Variants in ATP2B2 observed in about 807,000 individuals in gnomAD.
ATP2B2 encodes ATPase plasma membrane Ca2+ transporting 2.
Under a neutral mutation model 120.0 loss-of-function variants are expected in ATP2B2, and 15 were observed. The observed-to-expected ratio is 0.12, with a 90% CI of 0.08 to 0.19. The LOEUF (loss-of-function observed/expected upper bound fraction) is 0.19, where lower values mean the gene tolerates loss of function less well. Among genes scored for constraint, ATP2B2 ranks in the 10% least tolerant of loss-of-function variants. The pLI is 1.00. For synonymous variants in ATP2B2, 694 were observed against 700.3 expected, an observed-to-expected ratio of 0.99 and a Z score of 0.14; for missense variants, 1,045 against 1,719.8, an observed-to-expected ratio of 0.61 and a Z score of 6.94.
rs555532714 is a variant in ATP2B2 at position 10,413,242 on chromosome 3, T to C, written c.200-2427A>G. ...TTCCGGGAGTCCAGCAGCCTGTGGT[T>C]TGGGAGTCTGTCTTGGGTTCTAGAT... On this transcript the variant is annotated intron_variant, in intron 2 of 22. Coordinates refer to ENST00000360273, the MANE Select transcript of ATP2B2 (RefSeq NM_001001331.4). 2.6e-5 allele frequency among the ~76,000 whole-genome samples: 4 copies of C among 152,244 alleles called. No homozygotes were observed. In the South Asian group the frequency reaches 8.3e-4, roughly 32 times the overall value.
chr3:10,695,018 G>A (rs1214325179), intron 1 of ATP2B2, among the ~76,000 whole-genome samples: 3 of 152,012 alleles, frequency 2.0e-5, no homozygotes, highest in Non-Finnish European at 2.9e-5. Context: ...TTTGAATTTT[G>A]GGTGACCCTG....
At chr3:10,395,607 C>G in intron 5 of ATP2B2, among the ~76,000 whole-genome samples, 1 of 152,214 alleles carries the variant, frequency 6.6e-6, no homozygotes, top group South Asian at 2.1e-4. Context: ...GCCATCCTTG[C>G]AACTTTTCTG....
intron 1 of ATP2B2, among the ~76,000 whole-genome samples, chr3:10,450,490 C>T (rs2063999691): frequency 6.6e-6 from 1 of 152,216 alleles, no homozygotes; most frequent in African/African-American, 2.4e-5. Context: ...CATCCCTCCC[C>T]ACTCAGGTCT....
intron 1 of ATP2B2, among the ~76,000 whole-genome samples, chr3:10,500,180 C>T (rs1020059729): frequency 1.3e-5 from 2 of 151,650 alleles, no homozygotes; most frequent in Non-Finnish European, 2.9e-5. Context: ...TCAGGTGATC[C>T]ACCTGTCTTG....
rs11918847 is a variant in ATP2B2, at chr3:10,530,188, G to A, written c.-320+3851C>T. On this transcript the variant is annotated intron_variant, in intron 3 of 21. Transcript: ENST00000646379. ...GGCGCCTGAGGTCCTCACCATTTGA[G>A]GCGATTGTTCCCACCGGGGACCACC... Among the ~76,000 whole-genome samples the A allele has an allele frequency of 4.6e-3, 698 of 152,272 alleles. 4 individuals carry two copies. Among genetic ancestry groups the A allele is most frequent in the African/African-American group, 0.016 (664 of 41,542 alleles).
chr3:10,616,903 C>A (rs1305941933), intron 2 of ATP2B2, among the ~76,000 whole-genome samples: 1 of 152,170 alleles, frequency 6.6e-6, no homozygotes, highest in East Asian at 1.9e-4. Flanking sequence ...CTCTTGCTTA[C>A]TTCTGTTTTT....
At chr3:10,597,284 TAC>T (rs1214927942) in intron 2 of ATP2B2, among the ~76,000 whole-genome samples, 5 of 70,398 alleles carry the variant, frequency 7.1e-5, no homozygotes, top group African/African-American at 3.5e-4. Flanking sequence ...CACACACAGG[TAC>T]ACACACACAG....
At chr3:10,621,057 T>A (rs4684727) in intron 1 of ATP2B2, among the ~76,000 whole-genome samples, 1 of 152,006 alleles carries the variant, frequency 6.6e-6, no homozygotes, top group African/African-American at 2.4e-5. Context: ...GGTGCTGAGC[T>A]CTCCTGAGCC....
chr3:10,474,924 G>A (rs1441883486), intron 1 of ATP2B2, among the ~76,000 whole-genome samples: 3 of 152,254 alleles, frequency 2.0e-5, no homozygotes, highest in Non-Finnish European at 4.4e-5. Context: ...CCCTGGCCCA[G>A]CATGTCCATG....
chr3:10,616,073 C>G (rs114622784), intron 2 of ATP2B2, among the ~76,000 whole-genome samples: 1,757 of 152,294 alleles, frequency 0.012, 23 homozygotes, highest in Non-Finnish European at 0.02. Flanking sequence ...TCCCCCGATC[C>G]CACTACAGTT....
chr3:10,491,941 C>A (rs987024418), intron 1 of ATP2B2, among the ~76,000 whole-genome samples: 1 of 152,026 alleles, frequency 6.6e-6, no homozygotes, highest in Non-Finnish European at 1.5e-5. Flanking sequence ...TGTTAAAATG[C>A]GGGGAAAAAA....
At chr3:10,338,040 G>C in intron 22 of ATP2B2, 136 bp downstream of exon 22, 1 of 1,128,648 alleles carries the variant, frequency 8.9e-7, no homozygotes, top group Non-Finnish European at 1.3e-6. Context: ...GCTGGTGAGA[G>C]CTGGCCGGGA....
intron 12 of ATP2B2, among the ~76,000 whole-genome samples, chr3:10,371,227 T>C (rs957516756): frequency 4.6e-5 from 7 of 152,164 alleles, no homozygotes; most frequent in Non-Finnish European, 8.8e-5. Context: ...TTCTGTCCTC[T>C]CTCAAAGGCC....
chr3:10,401,650 C>T (rs1290413921), intron 4 of ATP2B2, among the ~76,000 whole-genome samples: 1 of 152,222 alleles, frequency 6.6e-6, no homozygotes, highest in Non-Finnish European at 1.5e-5. Context: ...ATTCACTTAT[C>T]CACCTACACA....
intron 2 of ATP2B2, among the ~76,000 whole-genome samples, chr3:10,422,283 G>A (rs1266746751): frequency 6.6e-6 from 1 of 152,326 alleles, no homozygotes; most frequent in African/African-American, 2.4e-5. Flanking sequence ...GAGAGACAAC[G>A]CCTCTGTGGG....
rs149138237 is a variant in ATP2B2, at chr3:10,353,373, C to G, written c.2137-2796G>C. ...GATGTTTGAGCTGCCAACTGAGGCT[C>G]TGGTTCCTGGCATTGTGCCAGGGCT... On this transcript the variant is annotated intron_variant, in intron 14 of 22. Transcript: ENST00000360273. Among the ~76,000 whole-genome samples the G allele has an allele frequency of 7.7e-4, 117 of 152,344 alleles. 1 individual carries two copies. The highest frequency in any genetic ancestry group is 2.8e-3 in the African/African-American group (115 of 41,588).
At position 10,605,090 on chromosome 3, in the gene ATP2B2, G is replaced by A. The variant is rs567444469; in HGVS notation, c.-415+14827C>T. ...GCATCTATTGCACCAAAGCATCCTC[G>A]TTTATTAATACTTCCATCTCTGCCA... On this transcript the variant is annotated intron_variant, in intron 2 of 21. Coordinates refer to the ATP2B2 transcript ENST00000646379. 2.6e-5 allele frequency among the ~76,000 whole-genome samples: 4 copies of A among 152,220 alleles called. No individual in the cohort carries two copies. In the East Asian group the frequency reaches 7.7e-4, roughly 29 times the overall value.
intron 1 of ATP2B2, among the ~76,000 whole-genome samples, chr3:10,622,406 C>A (rs1266551215): frequency 2.0e-5 from 3 of 152,170 alleles, no homozygotes; most frequent in Non-Finnish European, 4.4e-5. Context: ...TCTGCATTGA[C>A]AGCAGCCATG....
chr3:10,345,935 A>G, intron 17 of ATP2B2, 96 bp downstream of exon 17: 1 of 1,276,996 alleles, frequency 7.8e-7, no homozygotes, highest in Non-Finnish European at 1.1e-6. Context: ...CGGGTGGGCC[A>G]AGTGTGAACT....
Sources: allele counts gnomAD v4.1 joint callset (sites outside exome capture counted in the v4.1 genomes callset), GRCh38; gene constraint gnomAD v4.1.1; transcripts MANE v1.5; gene names NCBI Gene and HGNC (gene_info 2026-07-23, HGNC 2026-07-21).